Variants in SPMIP3 observed in about 807,000 individuals in gnomAD.
SPMIP3 encodes the protein sperm microtubule inner protein 3.
chr1:244,389,395 A>G, the SPMIP3 span: 41 of 165,352 alleles, frequency 2.5e-4, no homozygotes, highest in Middle Eastern at 6.0e-3. Flanking sequence ...TGTTGGGAAA[A>G]ATAAAAAAAA....
At chr1:244,352,638 C>T in the SPMIP3 span, 2 of 152,244 alleles carry the variant, frequency 1.3e-5, no homozygotes, top group African/African-American at 2.4e-5. Context: ...CCCTGCCACT[C>T]TGCAGTTGAT....
At chr1:244,362,990 T>C in the SPMIP3 span, among the ~76,000 whole-genome samples, 2 of 150,730 alleles carry the variant, frequency 1.3e-5, no homozygotes, top group East Asian at 3.9e-4. Context: ...ACCACAGGCA[T>C]GCACCTCCAC....
At chr1:244,388,514 C>G in the SPMIP3 span, among the ~76,000 whole-genome samples, 8 of 151,822 alleles carry the variant, frequency 5.3e-5, no homozygotes, top group Non-Finnish European at 7.4e-5. Flanking sequence ...TTTGTTTATT[C>G]TGTTTGGAGT....
chr1:244,389,139 G>T, the SPMIP3 span: 1 of 1,147,986 alleles, frequency 8.7e-7, no homozygotes, highest in Non-Finnish European at 1.3e-6. Flanking sequence ...AATGGCAGCA[G>T]AACTACTTTC....
At chr1:244,355,023 G>A in the SPMIP3 span, among the ~76,000 whole-genome samples, 2 of 152,170 alleles carry the variant, frequency 1.3e-5, no homozygotes, top group Non-Finnish European at 2.9e-5. Flanking sequence ...TTTGCTGAAC[G>A]CATTTCCTGT....
At chr1:244,371,667 C>T in the SPMIP3 span, among the ~76,000 whole-genome samples, 17 of 152,122 alleles carry the variant, frequency 1.1e-4, no homozygotes, top group Middle Eastern at 3.2e-3. Flanking sequence ...TTTGTATGCA[C>T]GCCATGGTCA....
the SPMIP3 span, among the ~76,000 whole-genome samples, chr1:244,359,460 C>T: frequency 3.9e-5 from 6 of 152,172 alleles, no homozygotes; most frequent in Non-Finnish European, 8.8e-5. Context: ...AGCAGTGGCT[C>T]ATGCTTGTAA....
the SPMIP3 span, among the ~76,000 whole-genome samples, chr1:244,379,224 G>A: frequency 6.7e-6 from 1 of 149,524 alleles, no homozygotes; most frequent in Non-Finnish European, 1.5e-5. Context: ...CACTGCGCCC[G>A]GCCTTTTTTT....
At chr1:244,383,658 G>A in the SPMIP3 span, among the ~76,000 whole-genome samples, 10 of 152,204 alleles carry the variant, frequency 6.6e-5, no homozygotes, top group African/African-American at 2.4e-4. Context: ...AAGTTAACTG[G>A]GCAGAGAGTG....
chr1:244,370,536 T>G, the SPMIP3 span, among the ~76,000 whole-genome samples: 2 of 152,238 alleles, frequency 1.3e-5, no homozygotes, highest in Non-Finnish European at 2.9e-5. Context: ...TTGTCATCAC[T>G]GTATCCCTAG....
At chr1:244,389,370 C>A in the SPMIP3 span, 1 of 179,404 alleles carries the variant, frequency 5.6e-6, no homozygotes, top group South Asian at 1.4e-4. Context: ...TGTGTCTGCA[C>A]AATAATTGCA....
At chr1:244,386,494 C>T in the SPMIP3 span, among the ~76,000 whole-genome samples, 1 of 152,168 alleles carries the variant, frequency 6.6e-6, no homozygotes, top group Non-Finnish European at 1.5e-5. Context: ...TTGAGTTCAC[C>T]TGGTTAAGTT....
the SPMIP3 span, among the ~76,000 whole-genome samples, chr1:244,361,789 C>T: frequency 6.6e-6 from 1 of 152,182 alleles, no homozygotes; most frequent in African/African-American, 2.4e-5. Flanking sequence ...TTCAGAATTT[C>T]TAGGCACTGA....
chr1:244,358,436 C>T, the SPMIP3 span, among the ~76,000 whole-genome samples: 106,669 of 151,414 alleles, frequency 0.7, 38,227 homozygotes, highest in South Asian at 0.8. Context: ...AATACAAAAA[C>T]TAGCTAGGCG....
chr1:244,386,102 C>T, the SPMIP3 span, among the ~76,000 whole-genome samples: 3 of 152,058 alleles, frequency 2.0e-5, no homozygotes, highest in Non-Finnish European at 4.4e-5. Context: ...GTTTGAACCC[C>T]AGGAGGCGGA....
At chr1:244,358,500 G>T in the SPMIP3 span, among the ~76,000 whole-genome samples, 2 of 150,010 alleles carry the variant, frequency 1.3e-5, no homozygotes, top group African/African-American at 4.9e-5. Flanking sequence ...CATCAGAATT[G>T]CTTGAACCCA....
the SPMIP3 span, among the ~76,000 whole-genome samples, chr1:244,363,910 T>C: frequency 0.012 from 1,819 of 152,234 alleles, 36 homozygotes; most frequent in African/African-American, 0.042. Context: ...GCAAGGGCGC[T>C]CACTCCTAGC....
chr1:244,380,390 G>T, the SPMIP3 span, among the ~76,000 whole-genome samples: 1 of 152,096 alleles, frequency 6.6e-6, no homozygotes, highest in Non-Finnish European at 1.5e-5. Flanking sequence ...AAAGTGGTGG[G>T]ATTACAGGCG....
the SPMIP3 span, among the ~76,000 whole-genome samples, chr1:244,367,948 T>A: frequency 6.6e-6 from 1 of 151,954 alleles, no homozygotes; most frequent in Non-Finnish European, 1.5e-5. Context: ...TTTTGGTTTT[T>A]TGTTTTGTTT....
Sources: gnomAD v4.1 joint callset for allele counts (sites outside exome capture counted in the v4.1 genomes callset) on GRCh38, gnomAD v4.1.1 for gene constraint, MANE v1.5 for transcripts, NCBI Gene and HGNC (gene_info 2026-07-23, HGNC 2026-07-21) for gene names.